Variants in NISCH observed in about 807,000 individuals in gnomAD.
NISCH encodes the protein I-1 receptor candidate protein.
NISCH carries 55 observed loss-of-function variants against 138.4 expected under a neutral mutation model. The observed-to-expected ratio is 0.40, with a 90% CI of 0.32 to 0.50. NISCH has a LOEUF of 0.50. NISCH is among the 20% of genes least tolerant of loss of function. The pLI is 0.71. For synonymous variants in NISCH, 860 were observed against 861.5 expected, an observed-to-expected ratio of 1.00 and a Z score of 0.03; for missense variants, 1,643 against 2,005.5, an observed-to-expected ratio of 0.82 and a Z score of 3.45.
At chr3:52,479,079 C>T (rs553848045) in intron 11 of NISCH, among the ~76,000 whole-genome samples, 1 of 152,302 alleles carries the variant, frequency 6.6e-6, no homozygotes, top group East Asian at 1.9e-4. Context: ...ACCTGGAAGT[C>T]TATTTGTGTC....
chr3:52,490,649 A>G, intron 18 of NISCH, 56 bp from the exon 19 acceptor site: 5 of 1,611,794 alleles, frequency 3.1e-6, no homozygotes, highest in Non-Finnish European at 3.4e-6. Flanking sequence ...CTGCACACCT[A>G]GGAACCTTGT....
chr3:52,481,982 T>G, intron 13 of NISCH: 1 of 920,566 alleles, frequency 1.1e-6, no homozygotes, highest in Non-Finnish European at 1.3e-6. Flanking sequence ...TCCTGATGTC[T>G]CCGCTCTATC....
intron 3 of NISCH, among the ~76,000 whole-genome samples, chr3:52,461,555 G>A (rs1358692386): frequency 6.6e-6 from 1 of 152,176 alleles, no homozygotes; most frequent in Non-Finnish European, 1.5e-5. Context: ...TTACTGGTTA[G>A]TATTTTAAGA....
chr3:52,458,900 G>A (rs1395162440), intron 3 of NISCH, 56 bp downstream of exon 3: 24 of 1,503,116 alleles, frequency 1.6e-5, no homozygotes, highest in Admixed American at 2.1e-5. Context: ...TGCCAAACTT[G>A]AGGCAGCAAA....
intron 7 of NISCH, among the ~76,000 whole-genome samples, chr3:52,474,404 C>T (rs1707041382): frequency 6.6e-6 from 1 of 152,172 alleles, no homozygotes. Context: ...TCACGCCATT[C>T]TCCTGCCTCA....
Position 52,455,619 on chromosome 3 carries a change from G to A in NISCH, c.-23G>A. On this transcript the variant is annotated 5_prime_UTR_variant, in exon 1 of 21. Transcript: ENST00000345716. Reference sequence around the variant, plus strand: ...TGCTGCTGCTAGTCTGCGCCGGGCGGCGGTGGCGGCGGAGACCCGAACATG... The same window carrying A: ...TGCTGCTGCTAGTCTGCGCCGGGCGACGGTGGCGGCGGAGACCCGAACATG... 1 of 1,306,566 alleles carries A rather than the reference G, an allele frequency of 7.7e-7. No individual in the cohort carries two copies. Among genetic ancestry groups the A allele is most frequent in the Non-Finnish European group, 9.8e-7 (1 of 1,020,950 alleles). 80.9% of individuals were successfully genotyped at this position (1,306,566 alleles called of 1,614,324 possible).
chr3:52,476,732 T>A, intron 8 of NISCH, 133 bp downstream of exon 8: 2 of 892,874 alleles, frequency 2.2e-6, no homozygotes, highest in Non-Finnish European at 3.4e-6. Flanking sequence ...CCTGCCATTT[T>A]AAGTTAATTA....
At chr3:52,455,788 C>A in intron 1 of NISCH, 54 bp downstream of exon 1, 1 of 1,257,024 alleles carries the variant, frequency 8.0e-7, no homozygotes, top group Non-Finnish European at 1.0e-6. Context: ...AACCGGGAGT[C>A]CGACTCGGGG....
At chr3:52,473,582 AAG>A (rs1707008801) in intron 6 of NISCH, 150 bp from the exon 7 acceptor site, 2 of 527,106 alleles carry the variant, frequency 3.8e-6, no homozygotes. Context: ...CACTGGGAAA[AAG>A]AGACACTTTG....
chr3:52,485,570 C>T (rs1707380255), intron 14 of NISCH, among the ~76,000 whole-genome samples: 1 of 152,190 alleles, frequency 6.6e-6, no homozygotes, highest in African/African-American at 2.4e-5. Flanking sequence ...CTGCTGTGTG[C>T]TGGTGGGATA....
Position 52,489,737 on chromosome 3 carries a change from G to A in NISCH, c.3456+59G>A, listed in dbSNP as rs1707512366. ...CGGCCAGTCCTGAGGGCGAGGCCAA[G>A]CTTGGCTTCAGGTCAGCCTCAGGTC... On this transcript the variant is annotated intron_variant, in intron 17 of 20. Coordinates refer to ENST00000345716, the MANE Select transcript of NISCH (RefSeq NM_007184.4). 4 of 1,565,552 alleles carry A rather than the reference G, an allele frequency of 2.6e-6. No homozygotes were observed. In the South Asian group the frequency reaches 4.8e-5, roughly 19 times the overall value.
intron 3 of NISCH, among the ~76,000 whole-genome samples, chr3:52,464,240 A>T (rs935838576): frequency 6.6e-6 from 1 of 151,766 alleles, no homozygotes; most frequent in East Asian, 2.0e-4. Flanking sequence ...TCTACTAAAA[A>T]TACAGAAATT....
At chr3:52,488,676 G>C (rs1047931664) in intron 16 of NISCH, 71 bp downstream of exon 16, 3 of 1,286,598 alleles carry the variant, frequency 2.3e-6, no homozygotes, top group Non-Finnish European at 3.2e-6. Flanking sequence ...CAGCATCTGC[G>C]GCTAGTGTGG....
At chr3:52,455,779 A>C in intron 1 of NISCH, 45 bp downstream of exon 1, 2 of 1,283,394 alleles carry the variant, frequency 1.6e-6, no homozygotes, top group Non-Finnish European at 2.0e-6. Context: ...GGTGGCTGGA[A>C]CCGGGAGTCC....
At chr3:52,469,799 C>T (rs1013048016) in intron 3 of NISCH, among the ~76,000 whole-genome samples, 1 of 151,866 alleles carries the variant, frequency 6.6e-6, no homozygotes, top group Non-Finnish European at 1.5e-5. Context: ...CCTGTACTAC[C>T]AACTACTTGG....
At position 52,487,273 on chromosome 3, in the gene NISCH, G is replaced by A; in HGVS notation, c.1781G>A (p.Gly594Asp). 6.2e-7 allele frequency: 1 copy of A among 1,614,182 alleles called. No individual in the cohort carries two copies. ...QIIFLPFTCI[G>D]YTATNQDFIQ... ...ATCTTCCTGCCCTTCACCTGCATTGGCTACACGGCCACCAATCAGGACTTC... is the reference window on the plus strand; with the variant it reads ...ATCTTCCTGCCCTTCACCTGCATTGACTACACGGCCACCAATCAGGACTTC... The change falls in exon 16 of 21, where the codon GGC becomes GAC. Residue 594 changes from glycine (G) to aspartate (D), a missense_variant. Coordinates refer to ENST00000345716, the MANE Select transcript of NISCH (RefSeq NM_007184.4). This position sits in a 1 kb window ranked among gnomAD's most constrained non-coding sequence, Gnocchi z 9.1.
intron 3 of NISCH, among the ~76,000 whole-genome samples, chr3:52,467,764 T>C (rs955250751): frequency 1.3e-5 from 2 of 152,196 alleles, no homozygotes; most frequent in Non-Finnish European, 2.9e-5. Flanking sequence ...CCTATCCCCT[T>C]AGAGGGGCTG....
chr3:52,486,712 A>G (rs1707410931), intron 15 of NISCH, among the ~76,000 whole-genome samples: 1 of 152,126 alleles, frequency 6.6e-6, no homozygotes, highest in Non-Finnish European at 1.5e-5. Context: ...AAGCTTACTA[A>G]CTCCCACTCT....
At chr3:52,462,348 A>T (rs915630273) in intron 3 of NISCH, among the ~76,000 whole-genome samples, 11 of 152,190 alleles carry the variant, frequency 7.2e-5, no homozygotes, top group African/African-American at 2.4e-4. Flanking sequence ...TGCCAGTAGC[A>T]CTTCCCCACC....
Sources: allele counts gnomAD v4.1 joint callset (sites outside exome capture counted in the v4.1 genomes callset), GRCh38; gene constraint gnomAD v4.1.1; non-coding constraint Gnocchi (gnomAD v3.1); transcripts MANE v1.5; gene names NCBI Gene and HGNC (gene_info 2026-07-23, HGNC 2026-07-21).